The following KEL variants were observed in gnomAD, a reference collection of about 807,000 sequenced individuals.
KEL encodes the protein Kell metallo-endopeptidase (Kell blood group).
Under a neutral mutation model 99.5 loss-of-function variants are expected in KEL, and 96 were observed. The ratio of observed to expected loss-of-function variants is 0.97; its 90% CI spans 0.82 to 1.14. The LOEUF (loss-of-function observed/expected upper bound fraction) is 1.14, where lower values mean the gene tolerates loss of function less well. KEL is among the 50% of genes most tolerant of loss of function. The pLI is 0.00. For missense variants in KEL, 926 were observed against 924.2 expected, an observed-to-expected ratio of 1.00 and a Z score of -0.03; for synonymous variants, 355 against 354.8, an observed-to-expected ratio of 1.00 and a Z score of -0.01.
chr7:142,958,371 T>G lies in KEL; in HGVS notation c.458A>C (p.Asn153Thr). 1 of 1,614,000 alleles carries G rather than the reference T, an allele frequency of 6.2e-7. No individual in the cohort carries two copies. Among genetic ancestry groups the G allele is most frequent in the Non-Finnish European group, 8.5e-7 (1 of 1,179,984 alleles). The change falls in exon 5 of 19, where the codon AAC becomes ACC. Residue 153 changes from asparagine to threonine, a missense_variant. By Grantham distance (65) the Asn-to-Thr change is moderately conservative (BLOSUM62 0). Transcript: ENST00000355265. Reference protein sequence around the residue: ...SGEEKAFQFYNSCMDTLAIEA... With the variant: ...SGEEKAFQFYTSCMDTLAIEA... Reference sequence around the variant, plus strand: ...AATGGCAAGTGTATCCATGCAGGAGTTGTAGAACTGGAAGGCTTTCTCCTC... The same window carrying G: ...AATGGCAAGTGTATCCATGCAGGAGGTGTAGAACTGGAAGGCTTTCTCCTC...
chr7:142,952,599 C>T lies in KEL; in HGVS notation c.1113G>A (p.Val371=). 1.2e-6 allele frequency: 2 copies of T among 1,614,032 alleles called. No homozygotes were observed. Among genetic ancestry groups the T allele is most frequent in the Non-Finnish European group, 1.7e-6 (2 of 1,179,992 alleles). The change falls in exon 10 of 19, where the codon GTG becomes GTA. Residue 371 remains valine (V), a synonymous_variant. Coordinates refer to ENST00000355265, the MANE Select transcript of KEL (RefSeq NM_000420.3). ...GACTGTCCAGGGCTGGAGAAAGGGT[C>T]ACCACCAGCCCTAAGATCATGTGGC... ...LQSHMILGLV[V]TLSPALDSQF...
At chr7:142,946,495 A>G in intron 10 of KEL, 178 bp from the exon 11 acceptor site, 1 of 640,228 alleles carries the variant, frequency 1.6e-6, no homozygotes, top group South Asian at 1.8e-5. Context: ...AGAAAAGCAC[A>G]GCTTCCTCAG....
rs1796347708 is a variant in KEL at position 142,941,342 on chromosome 7, C to T, written c.2109G>A (p.Gly703=). The change falls in exon 19 of 19, where the codon GGG becomes GGA. Residue 703 remains glycine (G), a synonymous_variant. Transcript: ENST00000355265. ...CAAAGGCTGGGGTGCTGCTGAGGGG[C>T]CCGTGGACTCGGAGGTGTGGAGGGC... is the stretch of plus-strand genomic sequence containing the variant. ...THSPPHLRVH[G]PLSSTPAFAR... is the part of the protein sequence containing the mutation. The T allele has an allele frequency of 6.2e-7, 1 of 1,613,600 alleles. No homozygotes were observed. Among genetic ancestry groups the T allele is most frequent in the South Asian group, 1.1e-5 (1 of 91,072 alleles).
At chr7:142,953,295 G>A in intron 9 of KEL, 1 of 908,938 alleles carries the variant, frequency 1.1e-6, no homozygotes, top group Non-Finnish European at 1.3e-6. Context: ...CTTAGACATT[G>A]TTTCCCATAA....
chr7:142,957,853 C>T lies in KEL; in HGVS notation c.646G>A (p.Ala216Thr), dbSNP rs1293125915. The T allele has an allele frequency of 6.2e-7, 1 of 1,614,074 alleles. No individual in the cohort carries two copies. Among genetic ancestry groups the T allele is most frequent in the Admixed American group, 1.7e-5 (1 of 60,012 alleles). ...FFRAYLGPHP[A>T]SPHTPVIQID... is the part of the protein sequence containing the mutation. Reference sequence around the variant, plus strand: ...TGGATGACTGGTGTGTGTGGAGAGGCAGGATGAGGTCCTAGGTAGGCTCTG... The same window carrying T: ...TGGATGACTGGTGTGTGTGGAGAGGTAGGATGAGGTCCTAGGTAGGCTCTG... Residue 216 changes from alanine (A) to threonine (T), a missense_variant, in exon 6 of 19, where the codon GCC (alanine) becomes ACC (threonine). By Grantham distance (58) the Ala-to-Thr change is moderately conservative (BLOSUM62 0). Coordinates refer to ENST00000355265, the MANE Select transcript of KEL (RefSeq NM_000420.3).
chr7:142,942,854 T>C, intron 17 of KEL, 21 bp downstream of exon 17: 1 of 1,613,928 alleles, frequency 6.2e-7, no homozygotes, highest in Non-Finnish European at 8.5e-7. Flanking sequence ...ACATAAACTG[T>C]GGCCCTTGAC....
chr7:142,955,532 T>G (rs1796808922), intron 6 of KEL, among the ~76,000 whole-genome samples: 1 of 152,206 alleles, frequency 6.6e-6, no homozygotes, highest in African/African-American at 2.4e-5. Flanking sequence ...TTTAGGAATA[T>G]TTAATAAAAT....
chr7:142,953,363 C>T (rs1796738556), intron 9 of KEL: 6 of 985,098 alleles, frequency 6.1e-6, no homozygotes, highest in Non-Finnish European at 7.2e-6. Context: ...CCTTTCTTCC[C>T]CTAAGCATCC....
At chr7:142,952,659 C>T (rs1333925979) in intron 9 of KEL, 21 bp from the exon 10 acceptor site, 2 of 1,613,452 alleles carry the variant, frequency 1.2e-6, no homozygotes, top group Non-Finnish European at 1.7e-6. Context: ...AAAAGAGACC[C>T]ACACATATAC....
chr7:142,949,910 C>G (rs1335922017), intron 10 of KEL, among the ~76,000 whole-genome samples: 1 of 152,194 alleles, frequency 6.6e-6, no homozygotes, highest in Non-Finnish European at 1.5e-5. Context: ...CCTGACTTAA[C>G]AGCCATTTTC....
At chr7:142,961,596 G>T in intron 2 of KEL, 95 bp from the exon 3 acceptor site, 3 of 1,426,716 alleles carry the variant, frequency 2.1e-6, no homozygotes, top group East Asian at 4.7e-5. Flanking sequence ...TGGTGCTACA[G>T]TCCCTTTATA....
At chr7:142,952,959 C>T (rs1220941506) in intron 9 of KEL, among the ~76,000 whole-genome samples, 2 of 152,106 alleles carry the variant, frequency 1.3e-5, no homozygotes, top group Admixed American at 6.5e-5. Flanking sequence ...TCTGGTTATC[C>T]TCAGATGTAT....
At chr7:142,956,378 A>AACC (rs1373949375) in intron 6 of KEL, among the ~76,000 whole-genome samples, 1 of 151,986 alleles carries the variant, frequency 6.6e-6, no homozygotes, top group Non-Finnish European at 1.5e-5. Context: ...CTCTACGCAC[A>AACC]ACCATCAAAA....
intron 6 of KEL, among the ~76,000 whole-genome samples, chr7:142,956,482 C>T (rs1796833375): frequency 6.6e-6 from 1 of 151,704 alleles, no homozygotes; most frequent in Admixed American, 6.6e-5. Context: ...CTTCGCCTGG[C>T]TTCTTAGAAA....
At chr7:142,941,534 C>T (rs1434885434) in intron 18 of KEL, 121 bp from the exon 19 acceptor site, 1 of 855,392 alleles carries the variant, frequency 1.2e-6, no homozygotes, top group African/African-American at 1.7e-5. Flanking sequence ...GCCCCAAGGG[C>T]CACATGGAGC....
chr7:142,942,341 C>T (rs779443453), intron 18 of KEL, 93 bp downstream of exon 18: 42 of 829,170 alleles, frequency 5.1e-5, no homozygotes, highest in South Asian at 8.7e-5. Flanking sequence ...GGGTATTTGA[C>T]GGAGTGTCTG....
intron 12 of KEL, 26 bp downstream of exon 12, chr7:142,944,617 A>G: frequency 1.3e-6 from 2 of 1,573,524 alleles, no homozygotes; most frequent in Non-Finnish European, 1.7e-6. Context: ...ACAGGCTCCC[A>G]CACCAGCCAG....
intron 11 of KEL, among the ~76,000 whole-genome samples, chr7:142,945,221 G>A (rs1380279872): frequency 1.3e-5 from 2 of 152,170 alleles, no homozygotes; most frequent in East Asian, 3.9e-4. Context: ...ACGTGAGTGT[G>A]TACTCACTGC....
At chr7:142,949,561 G>A (rs557177328) in intron 10 of KEL, among the ~76,000 whole-genome samples, 1 of 152,328 alleles carries the variant, frequency 6.6e-6, no homozygotes, top group South Asian at 2.1e-4. Context: ...GCTGAAGGCA[G>A]GATTATTTAT....
Sources: allele counts gnomAD v4.1 joint callset (sites outside exome capture counted in the v4.1 genomes callset), GRCh38; gene constraint gnomAD v4.1.1; transcripts MANE v1.5; gene names NCBI Gene and HGNC (gene_info 2026-07-23, HGNC 2026-07-21).